Variants in GLIS3 observed in about 807,000 individuals in gnomAD.
The protein encoded by GLIS3 is zinc finger protein GLIS3.
In GLIS3, 53 loss-of-function variants were observed where a neutral mutation model predicts 78.6. That is an observed-to-expected ratio of 0.67 (90% confidence interval 0.54 to 0.85). The LOEUF (loss-of-function observed/expected upper bound fraction) is 0.85. GLIS3 is among the 40% of genes least tolerant of loss of function. GLIS3 has a pLI of 0.00. For missense variants in GLIS3, 1,703 were observed against 1,231.1 expected (o/e 1.38, Z -5.74); for synonymous variants, 684 against 509.9 (o/e 1.34, Z -4.60).
chr9:4,282,106 T>TAGCA (rs1217337031), intron 2 of GLIS3, among the ~76,000 whole-genome samples: 1 of 152,204 alleles, frequency 6.6e-6, no homozygotes, highest in Admixed American at 6.5e-5. Context: ...CTTGTCTGTG[T>TAGCA]AGCAATTCTT....
chr9:4,432,742 G>C, the GLIS3 span, among the ~76,000 whole-genome samples: 1 of 149,026 alleles, frequency 6.7e-6, no homozygotes, highest in East Asian at 2.0e-4. Context: ...CTGCGCTCAA[G>C]TGATTCTCCT....
chr9:3,917,714 C>T (rs1239247944), intron 6 of GLIS3, among the ~76,000 whole-genome samples: 1 of 151,938 alleles, frequency 6.6e-6, no homozygotes, highest in Non-Finnish European at 1.5e-5. Context: ...TCACCCAGGT[C>T]CAAGTATACT....
intron 4 of GLIS3, among the ~76,000 whole-genome samples, chr9:4,038,829 A>G (rs1278115429): frequency 6.6e-6 from 1 of 152,166 alleles, no homozygotes; most frequent in Non-Finnish European, 1.5e-5. Context: ...AACACTGTGC[A>G]TTCAAGTATC....
At chr9:4,042,346 G>C (rs1291090375) in intron 4 of GLIS3, among the ~76,000 whole-genome samples, 8 of 152,170 alleles carry the variant, frequency 5.3e-5, no homozygotes, top group Admixed American at 5.2e-4. Flanking sequence ...TTAACTGTCA[G>C]CCAAACATAG....
At chr9:3,953,103 C>T (rs1816811746) in intron 4 of GLIS3, among the ~76,000 whole-genome samples, 1 of 152,118 alleles carries the variant, frequency 6.6e-6, no homozygotes. Context: ...ATCTGCACTA[C>T]ATATATTGTC....
intron 9 of GLIS3, among the ~76,000 whole-genome samples, chr9:3,834,585 T>C (rs1818238651): frequency 6.6e-6 from 1 of 152,064 alleles, no homozygotes; most frequent in Non-Finnish European, 1.5e-5. Flanking sequence ...GTTTCAAGAG[T>C]ATTTCAAATT....
the GLIS3 span, among the ~76,000 whole-genome samples, chr9:4,381,739 C>T: frequency 3.3e-5 from 5 of 152,218 alleles, no homozygotes; most frequent in Non-Finnish European, 7.3e-5. Context: ...ATTGCTGGGG[C>T]TGTGGGAATC....
intron 9 of GLIS3, among the ~76,000 whole-genome samples, chr9:3,830,877 C>T (rs1011953885): frequency 2.6e-5 from 4 of 152,210 alleles, no homozygotes; most frequent in Admixed American, 2.6e-4. Context: ...ACTATGCTCT[C>T]AACCCTTCTC....
At chr9:4,195,637 C>T (rs541356795) in intron 2 of GLIS3, among the ~76,000 whole-genome samples, 16 of 152,390 alleles carry the variant, frequency 1.0e-4, no homozygotes, top group African/African-American at 2.9e-4. Context: ...TGTTCCACAG[C>T]GCCTGGTCCC....
chr9:4,319,958 C>T lies in GLIS3; in HGVS notation n.265-9430G>A, dbSNP rs556262036. On this transcript the variant is annotated intron_variant and non_coding_transcript_variant, in intron 2 of 4. Transcript: ENST00000471664. ...GTTTTGTTCGGCCTATAGAATTGGTCCTTACAGTAGGTTAGTAGAGGGGGT... is the reference window on the plus strand; with the variant it reads ...GTTTTGTTCGGCCTATAGAATTGGTTCTTACAGTAGGTTAGTAGAGGGGGT... Among the ~76,000 whole-genome samples the T allele has an allele frequency of 2.0e-4, 31 of 151,270 alleles. 1 individual carries two copies. Among genetic ancestry groups the T allele is most frequent in the East Asian group, 9.7e-4 (5 of 5,148 alleles).
intron 6 of GLIS3, among the ~76,000 whole-genome samples, chr9:3,912,028 C>A (rs771258274): frequency 6.6e-6 from 1 of 152,108 alleles, no homozygotes; most frequent in Non-Finnish European, 1.5e-5. Flanking sequence ...GATACAGGTT[C>A]ATATCTCAGC....
chr9:3,829,868 C>T (rs1372763590), intron 9 of GLIS3, among the ~76,000 whole-genome samples: 3 of 152,190 alleles, frequency 2.0e-5, no homozygotes, highest in East Asian at 1.9e-4. Context: ...CTTCCTTTAT[C>T]CTATATTTTC....
At chr9:4,338,632 G>C (rs1387740507) in intron 2 of GLIS3, among the ~76,000 whole-genome samples, 3 of 152,174 alleles carry the variant, frequency 2.0e-5, no homozygotes, top group Non-Finnish European at 4.4e-5. Context: ...CACAGGCATT[G>C]TTCTGCATGA....
intron 4 of GLIS3, among the ~76,000 whole-genome samples, chr9:3,967,710 C>G (rs1818059375): frequency 6.6e-6 from 1 of 152,008 alleles, no homozygotes. Flanking sequence ...GAGAGATATC[C>G]ATATTATGAT....
At position 4,040,302 on chromosome 9, in the gene GLIS3, C is replaced by CAA. The variant is rs1563976448; in HGVS notation, c.1710+77464_1710+77465dup. 1.0e-3 allele frequency among the ~76,000 whole-genome samples: 153 copies of CAA among 148,790 alleles called. No homozygotes were observed. The East Asian group carries it at 0.025, about 24-fold the overall frequency. On this transcript the variant is annotated intron_variant, in intron 4 of 10. Transcript: ENST00000381971. Reference sequence around the variant, plus strand: ...TTCACAAGGTAAAAAAAACAAAAAACAAAAAACCTGCTACATTGAATATAT... The same window carrying CAA: ...TTCACAAGGTAAAAAAAACAAAAAACAAAAAAAACCTGCTACATTGAATATAT...
At chr9:3,834,555 T>C (rs1028131002) in intron 9 of GLIS3, among the ~76,000 whole-genome samples, 2 of 152,166 alleles carry the variant, frequency 1.3e-5, no homozygotes, top group African/African-American at 4.8e-5. Context: ...CAATCTGAAT[T>C]CCCAGGTCTA....
intron 2 of GLIS3, among the ~76,000 whole-genome samples, chr9:4,248,206 T>C (rs1823990008): frequency 1.3e-5 from 2 of 151,460 alleles, no homozygotes; most frequent in Admixed American, 1.3e-4. Flanking sequence ...GTCATCTACA[T>C]TACTTATTTC....
chr9:4,197,054 A>G (rs1288347338), intron 2 of GLIS3, among the ~76,000 whole-genome samples: 1 of 152,174 alleles, frequency 6.6e-6, no homozygotes, highest in Admixed American at 6.5e-5. Flanking sequence ...CTCCATGCCC[A>G]GGCAGATCTC....
At chr9:4,392,936 T>A in the GLIS3 span, among the ~76,000 whole-genome samples, 18 of 151,996 alleles carry the variant, frequency 1.2e-4, no homozygotes, top group South Asian at 3.7e-3. Flanking sequence ...ATATATTGGA[T>A]CTTTTTTTTT....
Sources: allele counts gnomAD v4.1 joint callset (sites outside exome capture counted in the v4.1 genomes callset), GRCh38; gene constraint gnomAD v4.1.1; transcripts MANE v1.5; gene names NCBI Gene and HGNC (gene_info 2026-07-23, HGNC 2026-07-21).